LARP4B: variants seen among roughly 807,000 people sequenced by gnomAD.
LARP4B encodes La ribonucleoprotein 4B, also known as la-related protein 4B.
Under a neutral mutation model 89.8 loss-of-function variants are expected in LARP4B, and 12 were observed. The observed-to-expected ratio is 0.13, with a 90% confidence interval of 0.09 to 0.22. The LOEUF (loss-of-function observed/expected upper bound fraction) is 0.22. Among genes scored for constraint, LARP4B ranks in the 10% least tolerant of loss-of-function variants. The pLI, the probability that LARP4B is intolerant of heterozygous loss-of-function variation, is 1.00. For synonymous variants in LARP4B, 367 were observed against 363.3 expected (o/e 1.01, Z -0.12); for missense variants, 757 against 947.7 (o/e 0.80, Z 2.64).
the LARP4B span, among the ~76,000 whole-genome samples, chr10:984,914 AGAGT>A: frequency 6.6e-6 from 1 of 152,226 alleles, no homozygotes; most frequent in Non-Finnish European, 1.5e-5. Flanking sequence ...CCTAGGCGAC[AGAGT>A]GAGACCCTGT....
chr10:917,923 C>CT (rs1020711930), intron 1 of LARP4B, among the ~76,000 whole-genome samples: 14 of 152,088 alleles, frequency 9.2e-5, no homozygotes, highest in African/African-American at 3.1e-4. Context: ...AAAATGGGGA[C>CT]TGGAGAGAGA....
the LARP4B span, among the ~76,000 whole-genome samples, chr10:952,179 A>C: frequency 6.6e-6 from 1 of 151,736 alleles, no homozygotes; most frequent in Non-Finnish European, 1.5e-5. Context: ...TGTACTAAAA[A>C]TAAAAAAAAA....
At chr10:891,830 T>C (rs1030124991) in intron 1 of LARP4B, among the ~76,000 whole-genome samples, 1 of 152,264 alleles carries the variant, frequency 6.6e-6, no homozygotes, top group African/African-American at 2.4e-5. Context: ...GGATTACTGA[T>C]AGTCACCTCA....
At chr10:887,022 G>A (rs554833876) in intron 1 of LARP4B, among the ~76,000 whole-genome samples, 1 of 152,236 alleles carries the variant, frequency 6.6e-6, no homozygotes, top group South Asian at 2.1e-4. Flanking sequence ...GGGAAGCAGG[G>A]GTTGCAGTGA....
chr10:949,849 C>G, the LARP4B span, among the ~76,000 whole-genome samples: 1 of 152,160 alleles, frequency 6.6e-6, no homozygotes, highest in East Asian at 1.9e-4. Context: ...ACTGTATTGT[C>G]GAGGCTGCAG....
intron 3 of LARP4B, among the ~76,000 whole-genome samples, chr10:882,986 C>A (rs918310573): frequency 2.0e-5 from 3 of 152,190 alleles, no homozygotes; most frequent in Non-Finnish European, 4.4e-5. Context: ...CTCTCCACAC[C>A]TTTAGGTGCA....
At chr10:966,837 C>A in the LARP4B span, among the ~76,000 whole-genome samples, 8 of 152,298 alleles carry the variant, frequency 5.3e-5, no homozygotes, top group East Asian at 1.5e-3. Flanking sequence ...CCCTCACCCC[C>A]ACTGTGGCTG....
At chr10:955,406 C>T in the LARP4B span, among the ~76,000 whole-genome samples, 1 of 152,218 alleles carries the variant, frequency 6.6e-6, no homozygotes, top group Admixed American at 6.5e-5. The surrounding 1 kb of genome is among the most constrained non-coding windows in gnomAD (Gnocchi z 5.2). Context: ...CTTCCTTGTC[C>T]CTAGTCCCCA....
chr10:973,702 C>G, the LARP4B span, among the ~76,000 whole-genome samples: 1 of 152,142 alleles, frequency 6.6e-6, no homozygotes, highest in Non-Finnish European at 1.5e-5. Flanking sequence ...CACACTGGTT[C>G]CCGTTAGCTA....
chr10:961,706 G>C, the LARP4B span, among the ~76,000 whole-genome samples: 1 of 152,202 alleles, frequency 6.6e-6, no homozygotes, highest in African/African-American at 2.4e-5. Flanking sequence ...GGCCAGAGAG[G>C]AGACGAGAGA....
the LARP4B span, among the ~76,000 whole-genome samples, chr10:940,174 C>T: frequency 5.3e-5 from 8 of 152,228 alleles, no homozygotes; most frequent in Admixed American, 2.6e-4. Context: ...TGCACCACCA[C>T]GCCCGGCTAA....
chr10:872,880 AAAG>A, intron 3 of LARP4B: 1 of 197,794 alleles, frequency 5.1e-6, no homozygotes, highest in Non-Finnish European at 9.1e-6. Context: ...ATAAAAGAGG[AAAG>A]AGGGTTCAAT....
the LARP4B span, among the ~76,000 whole-genome samples, chr10:937,592 C>G: frequency 6.6e-6 from 1 of 152,118 alleles, no homozygotes; most frequent in South Asian, 2.1e-4. Flanking sequence ...CCTGACCCCC[C>G]CTCCCCCACA....
intron 1 of LARP4B, among the ~76,000 whole-genome samples, chr10:887,029 G>C (rs144563763): frequency 2.6e-5 from 4 of 152,290 alleles, no homozygotes; most frequent in African/African-American, 9.6e-5. Flanking sequence ...AGGGGTTGCA[G>C]TGAGCTGAGA....
Position 813,207 on chromosome 10 carries a change from G to T in LARP4B, c.1936C>A (p.Arg646=). The stretch of plus-strand genomic sequence containing the variant: ...CAAATCTCTGCGTAGCTGGGCTTTC[G>T]CAATTCCTGGAAACAGACAATCCTG... ...VQVNGAATEL[R]KPSYAEICQR... Residue 646 remains arginine (R), a synonymous_variant, in exon 18 of 18, where the codon CGA becomes AGA. Coordinates refer to ENST00000316157, the MANE Select transcript of LARP4B (RefSeq NM_015155.3). The T allele has an allele frequency of 6.2e-7, 1 of 1,606,752 alleles. No individual in the cohort carries two copies. The highest frequency in any genetic ancestry group is 2.2e-5 in the East Asian group (1 of 44,796).
intron 1 of LARP4B, among the ~76,000 whole-genome samples, chr10:904,148 A>G (rs1257708298): frequency 6.6e-6 from 1 of 152,162 alleles, no homozygotes; most frequent in African/African-American, 2.4e-5. Flanking sequence ...TCCAAGCACA[A>G]TGATGCATAC....
Position 844,986 on chromosome 10 carries a change from C to T in LARP4B, c.500G>A (p.Cys167Tyr), listed in dbSNP as rs1833703262. The T allele has an allele frequency of 6.2e-7, 1 of 1,611,292 alleles. No individual in the cohort carries two copies. The highest frequency in any genetic ancestry group is 1.7e-5 in the Admixed American group (1 of 59,426). The stretch of plus-strand genomic sequence containing the variant: ...CCACCACCAGCCTTACCTAGATAAG[C>T]AGAATTCCAATGTTTTTTTAAGTAC... ...REVLKKTLEF[C>Y]LSRENLASDM... Residue 167 changes from cysteine to tyrosine, a missense_variant, in exon 6 of 18, where the codon TGC (cysteine) becomes TAC (tyrosine). By Grantham distance (194) the Cys-to-Tyr change is radical. This residue lies in a region of LARP4B where 54 missense variants were observed against 96.0 expected (regional missense o/e 0.56). Coordinates refer to ENST00000316157, the MANE Select transcript of LARP4B (RefSeq NM_015155.3).
chr10:809,335 G>C (rs926003152), downstream of LARP4B: 1 of 152,260 alleles, frequency 6.6e-6, no homozygotes, highest in Admixed American at 6.5e-5. Context: ...AGCATCTGAT[G>C]TTAATGCTCA....
At chr10:853,326 G>A (rs977697741) in intron 5 of LARP4B, among the ~76,000 whole-genome samples, 8 of 152,054 alleles carry the variant, frequency 5.3e-5, no homozygotes, top group Non-Finnish European at 8.8e-5. Flanking sequence ...CTAAACTGTT[G>A]TATATTTAAT....
Sources: gnomAD v4.1 joint callset for allele counts (sites outside exome capture counted in the v4.1 genomes callset) on GRCh38, gnomAD v4.1.1 for gene constraint, gnomAD v4.1.1 regional missense constraint, Gnocchi (gnomAD v3.1) non-coding constraint, MANE v1.5 for transcripts, NCBI Gene and HGNC (gene_info 2026-07-23, HGNC 2026-07-21) for gene names.